GNA11: variants seen among roughly 807,000 people sequenced by gnomAD.
The protein encoded by GNA11 is guanine nucleotide-binding protein subunit alpha-11.
GNA11 carries 8 observed loss-of-function variants against 38.2 expected under a neutral mutation model. The observed-to-expected ratio is 0.21, with a 90% CI of 0.12 to 0.38. GNA11 has a LOEUF of 0.38. Ranked by LOEUF, GNA11 falls within the 10% of genes least tolerant of loss-of-function variation. The probability of loss-of-function intolerance (pLI) is 1.00; values close to 1 mark genes in which losing one functional copy is unlikely to be tolerated. For synonymous variants in GNA11, 211 were observed against 221.4 expected, an observed-to-expected ratio of 0.95 and a Z score of 0.42; for missense variants, 268 against 516.3, an observed-to-expected ratio of 0.52 and a Z score of 4.66.
At chr19:3,096,303 C>T (rs73522302) in intron 1 of GNA11, among the ~76,000 whole-genome samples, 2,594 of 152,286 alleles carry the variant, frequency 0.017, 84 homozygotes, top group African/African-American at 0.06. Flanking sequence ...GTAGGCAGAG[C>T]CGTGGTCCTC....
chr19:3,107,179 T>A (rs1295050195), intron 1 of GNA11, among the ~76,000 whole-genome samples: 1 of 152,126 alleles, frequency 6.6e-6, no homozygotes, highest in East Asian at 1.9e-4. Context: ...GAGCTTGCAG[T>A]GAGCCAAGAT....
In GNA11 at chr19:3,121,454, TAAA is replaced by T. The variant is rs767868573; in HGVS notation, c.*289_*291del. 2.4e-4 allele frequency: 48 copies of T among 195,942 alleles called. No homozygotes were observed. The highest frequency in any genetic ancestry group is 4.2e-4 in the South Asian group (2 of 4,756). 12.1% of individuals were successfully genotyped at this position (195,942 alleles called of 1,614,324 possible). A position where few individuals can be genotyped will look rare whatever the true frequency, so the allele number is the denominator to read the frequency against. ...CCTTGACTTATGGCTCGCTTTTTTC[TAAA>T]AAAAAAAAAAAAAGAAAGAAAGAAA... On this transcript the variant is annotated 3_prime_UTR_variant, in exon 7 of 7. Transcript: ENST00000078429.
In GNA11 at chr19:3,123,273, C is replaced by T. The variant is rs1028437766; in HGVS notation, c.*2094C>T. On this transcript the variant is annotated 3_prime_UTR_variant, in exon 7 of 7. Transcript: ENST00000078429. ...GTATTAGGCCTTCCCAGGGAGGGGGCGTGCCAAGCATCCCAGAGCCGGGCT... is the reference window on the plus strand; with the variant it reads ...GTATTAGGCCTTCCCAGGGAGGGGGTGTGCCAAGCATCCCAGAGCCGGGCT... 37 of 233,160 alleles carry T rather than the reference C, an allele frequency of 1.6e-4. No homozygotes were observed. Among genetic ancestry groups the T allele is most frequent in the African/African-American group, 5.1e-4 (23 of 45,332 alleles). 14.4% of individuals were successfully genotyped at this position (233,160 alleles called of 1,614,324 possible).
chr19:3,096,479 C>T (rs1913368974), intron 1 of GNA11, among the ~76,000 whole-genome samples: 1 of 152,198 alleles, frequency 6.6e-6, no homozygotes, highest in African/African-American at 2.4e-5. Context: ...GGCTCTGTGA[C>T]CTCCAGAACC....
At chr19:3,113,507 C>A in intron 3 of GNA11, 23 bp downstream of exon 3, 1 of 1,536,220 alleles carries the variant, frequency 6.5e-7, no homozygotes, top group Admixed American at 1.9e-5. Flanking sequence ...GCACCGCTGG[C>A]GGCCTGGGGA....
rs1914051322 is a variant in GNA11 at position 3,120,755 on chromosome 19, C to G, written c.890-234C>G. On this transcript the variant is annotated intron_variant, in intron 6 of 6. Transcript: ENST00000078429. This position sits in a 1 kb window ranked among gnomAD's most constrained non-coding sequence, Gnocchi z 5.9. ...GGGAGCAGCGGTGGGTGCAGAGCCCCAGGTTGGAGGCCTGGGCCGTGACAG... is the reference window on the plus strand; with the variant it reads ...GGGAGCAGCGGTGGGTGCAGAGCCCGAGGTTGGAGGCCTGGGCCGTGACAG... 1.3e-5 allele frequency among the ~76,000 whole-genome samples: 2 copies of G among 152,090 alleles called. No individual in the cohort carries two copies. Among genetic ancestry groups the G allele is most frequent in the African/African-American group, 2.4e-5 (1 of 41,412 alleles).
At chr19:3,115,925 G>C in intron 4 of GNA11, among the ~76,000 whole-genome samples, 1 of 139,360 alleles carries the variant, frequency 7.2e-6, no homozygotes, top group African/African-American at 3.2e-5. Context: ...AGGGGTCATG[G>C]GGACCGAGGC....
At chr19:3,112,666 G>C (rs1449485314) in intron 2 of GNA11, among the ~76,000 whole-genome samples, 2 of 152,290 alleles carry the variant, frequency 1.3e-5, no homozygotes, top group African/African-American at 4.8e-5. Context: ...CCAGGGTTCC[G>C]TGAGGGGGAG....
At chr19:3,100,791 C>T (rs967582469) in intron 1 of GNA11, among the ~76,000 whole-genome samples, 8 of 152,200 alleles carry the variant, frequency 5.3e-5, no homozygotes. Context: ...TCAGTTTCCC[C>T]ATCGGTCACG....
rs778339845 is a variant in GNA11 at position 3,103,094 on chromosome 19, C to T, written c.137-7055C>T. Among the ~76,000 whole-genome samples, 7 of 152,224 alleles carry T rather than the reference C, an allele frequency of 4.6e-5. No individual in the cohort carries two copies. In the East Asian group the frequency reaches 5.8e-4, roughly 13 times the overall value. The stretch of plus-strand genomic sequence containing the variant: ...TGGGGCTCGGCTCAGGCGTCGTAGA[C>T]GGGAAGCAGCCTGGAACCCTGGAAG... On this transcript the variant is annotated intron_variant, in intron 1 of 6. Transcript: ENST00000078429.
At chr19:3,116,099 GC>G (rs1489056263) in intron 4 of GNA11, among the ~76,000 whole-genome samples, 1 of 152,058 alleles carries the variant, frequency 6.6e-6, no homozygotes, top group Non-Finnish European at 1.5e-5. Flanking sequence ...GGCCTCCGGG[GC>G]TCCAGGTCCA....
intron 4 of GNA11, chr19:3,117,032 C>T (rs1913942756): frequency 1.3e-5 from 2 of 152,328 alleles, no homozygotes; most frequent in East Asian, 3.8e-4. Flanking sequence ...GGCCACAAGC[C>T]AAGGAATGCC....
chr19:3,121,284 T>C lies in GNA11; in HGVS notation c.*105T>C, dbSNP rs1599308911. 2.6e-6 allele frequency: 2 copies of C among 761,498 alleles called. No homozygotes were observed. Among genetic ancestry groups the C allele is most frequent in the South Asian group, 1.8e-5 (1 of 56,374 alleles). The allele number at this position is 761,498 out of a possible 1,614,324, so 47.2% of individuals were successfully genotyped here. ...GCGCTGCCGAGTCCGGGCCGGGGCC[T>C]CTGCCCGCGGGAGGAGATTTTTTTT... On this transcript the variant is annotated 3_prime_UTR_variant, in exon 7 of 7. Coordinates refer to ENST00000078429, the MANE Select transcript of GNA11 (RefSeq NM_002067.5).
At chr19:3,109,100 AG>A (rs1347658628) in intron 1 of GNA11, among the ~76,000 whole-genome samples, 1 of 152,240 alleles carries the variant, frequency 6.6e-6, no homozygotes, top group East Asian at 1.9e-4. Context: ...CCCATGCTCA[AG>A]GGGAGGGGAA....
In GNA11 at chr19:3,121,242, C is replaced by T. The variant is rs1310790959; in HGVS notation, c.*63C>T. On this transcript the variant is annotated 3_prime_UTR_variant, in exon 7 of 7. Transcript: ENST00000078429. ...CAGGACCTTCCTTCCACGGAGCCTG[C>T]GGCTGCCGGGCGGGTGGCGCTGCCG... 1.2e-5 allele frequency: 17 copies of T among 1,360,204 alleles called. No individual in the cohort carries two copies. The highest frequency in any genetic ancestry group is 1.8e-4 in the Middle Eastern group (1 of 5,474). The allele number at this position is 1,360,204 out of a possible 1,614,324, so 84.3% of individuals were successfully genotyped here. A position where few individuals can be genotyped will look rare whatever the true frequency, so the allele number is the denominator to read the frequency against.
At chr19:3,115,212 T>G in intron 4 of GNA11, 140 bp downstream of exon 4, 1 of 920,836 alleles carries the variant, frequency 1.1e-6, no homozygotes, top group Non-Finnish European at 1.7e-6. Flanking sequence ...GAGACCACCC[T>G]GGGCAACATA....
Position 3,115,615 on chromosome 19 carries a change from G to A in GNA11, c.605+543G>A, listed in dbSNP as rs899321893. On this transcript the variant is annotated intron_variant, in intron 4 of 6. Coordinates refer to ENST00000078429, the MANE Select transcript of GNA11 (RefSeq NM_002067.5). ...TTTGACAGGGCCTCCAGGACGGGCC[G>A]GGGGCCTGGTTGGAGCCAGCATGGG... 1.4e-4 allele frequency among the ~76,000 whole-genome samples: 21 copies of A among 151,764 alleles called. No individual in the cohort carries two copies. The South Asian group carries it at 2.1e-3, about 15-fold the overall frequency.
At chr19:3,105,287 G>C (rs1325646241) in intron 1 of GNA11, among the ~76,000 whole-genome samples, 1 of 152,080 alleles carries the variant, frequency 6.6e-6, no homozygotes, top group Non-Finnish European at 1.5e-5. Flanking sequence ...GTCTCAGTCA[G>C]CTCGGGCTGC....
chr19:3,109,582 G>C (rs1913719223), intron 1 of GNA11, among the ~76,000 whole-genome samples: 2 of 152,246 alleles, frequency 1.3e-5, no homozygotes, highest in Admixed American at 1.3e-4. Context: ...ACAGCACCAA[G>C]AGGGAGAGGG....
Sources: allele counts gnomAD v4.1 joint callset (sites outside exome capture counted in the v4.1 genomes callset), GRCh38; gene constraint gnomAD v4.1.1; non-coding constraint Gnocchi (gnomAD v3.1); transcripts MANE v1.5; gene names NCBI Gene and HGNC (gene_info 2026-07-23, HGNC 2026-07-21).